The following L3MBTL4 variants were observed in gnomAD, a reference collection of about 807,000 sequenced individuals.
The protein encoded by L3MBTL4 is lethal(3)malignant brain tumor-like protein 4.
Under a neutral mutation model 84.5 loss-of-function variants are expected in L3MBTL4, and 70 were observed. The ratio of observed to expected loss-of-function variants is 0.83; its 90% CI spans 0.68 to 1.01. The LOEUF (loss-of-function observed/expected upper bound fraction) is 1.01. L3MBTL4 is among the 50% of genes least tolerant of loss of function. The probability of loss-of-function intolerance (pLI) is 0.00; values close to 1 mark genes in which losing one functional copy is unlikely to be tolerated. For missense variants in L3MBTL4, 715 were observed against 754.8 expected (o/e 0.95, Z 0.62); for synonymous variants, 274 against 259.8 (o/e 1.05, Z -0.52).
chr18:6,355,155 A>G (rs1327790869), intron 1 of L3MBTL4, among the ~76,000 whole-genome samples: 1 of 152,196 alleles, frequency 6.6e-6, no homozygotes, highest in Non-Finnish European at 1.5e-5. Flanking sequence ...ACTGGAAGTC[A>G]CTATGCTTTT....
rs147538672 is a variant in L3MBTL4, at chr18:6,309,088, T to C, written c.72+2466A>G. 2.7e-3 allele frequency among the ~76,000 whole-genome samples: 417 copies of C among 152,330 alleles called. 2 individuals carry two copies. The highest frequency in any genetic ancestry group is 9.6e-3 in the African/African-American group (400 of 41,580). On this transcript the variant is annotated intron_variant, in intron 3 of 18. Transcript: ENST00000317931. ...ATGTTCCGAAACACCCAACTGTGCA[T>C]TTGCTTGATGTTTCATGTGCATGAT...
intron 1 of L3MBTL4, among the ~76,000 whole-genome samples, chr18:6,380,427 C>A (rs2054550293): frequency 1.3e-5 from 2 of 152,122 alleles, no homozygotes; most frequent in Admixed American, 1.3e-4. Flanking sequence ...AATTTTAGAT[C>A]TTTTCTGCTT....
Position 6,414,603 on chromosome 18 carries a change from C to A in L3MBTL4, c.-91+198G>T, listed in dbSNP as rs1196527678. ...GGGAGCCCGGCGCGCGCCCCGGCGG[C>A]GAAAGAGAAAGAGAAAGAGCCTGGG... On this transcript the variant is annotated intron_variant, in intron 1 of 18. Coordinates refer to ENST00000317931, the MANE Select transcript of L3MBTL4 (RefSeq NM_001330559.2). This position sits in a 1 kb window ranked among gnomAD's most constrained non-coding sequence, Gnocchi z 5.4. 3.3e-5 allele frequency: 5 copies of A among 151,970 alleles called. No individual in the cohort carries two copies. The highest frequency in any genetic ancestry group is 7.4e-5 in the Non-Finnish European group (5 of 68,000). The allele number at this position is 151,970 out of a possible 1,614,324, so 9.4% of individuals were successfully genotyped here.
At chr18:6,181,765 GT>G in intron 12 of L3MBTL4, among the ~76,000 whole-genome samples, 1 of 152,164 alleles carries the variant, frequency 6.6e-6, no homozygotes, top group South Asian at 2.1e-4. Flanking sequence ...CGTGGTATTT[GT>G]TTTTCGGTTT....
chr18:6,251,508 T>C (rs1007384138), intron 5 of L3MBTL4, among the ~76,000 whole-genome samples: 1 of 152,224 alleles, frequency 6.6e-6, no homozygotes, highest in Non-Finnish European at 1.5e-5. Context: ...CATTAAATCA[T>C]CATAAAAACC....
intron 13 of L3MBTL4, among the ~76,000 whole-genome samples, chr18:6,162,197 A>G (rs904414628): frequency 6.6e-6 from 1 of 152,098 alleles, no homozygotes; most frequent in Admixed American, 6.5e-5. Context: ...AAAATCCACT[A>G]AAGTAAATCA....
intron 1 of L3MBTL4, among the ~76,000 whole-genome samples, chr18:6,378,730 T>C (rs1340575912): frequency 6.6e-6 from 1 of 152,176 alleles, no homozygotes; most frequent in Non-Finnish European, 1.5e-5. Flanking sequence ...AGCCTTGTAG[T>C]ATAGTTTGAA....
At chr18:6,061,252 T>C (rs2057209562) in intron 16 of L3MBTL4, among the ~76,000 whole-genome samples, 1 of 152,112 alleles carries the variant, frequency 6.6e-6, no homozygotes. Flanking sequence ...AAGTGATATA[T>C]GATGTTGATC....
At chr18:6,343,877 A>G (rs1350781500) in intron 1 of L3MBTL4, among the ~76,000 whole-genome samples, 1 of 152,022 alleles carries the variant, frequency 6.6e-6, no homozygotes, top group Non-Finnish European at 1.5e-5. Flanking sequence ...CATACAACAT[A>G]TTAAAACTTA....
chr18:6,101,604 A>G (rs775131312), intron 14 of L3MBTL4, among the ~76,000 whole-genome samples: 2 of 152,160 alleles, frequency 1.3e-5, no homozygotes, highest in Non-Finnish European at 2.9e-5. Context: ...TTCTAAGCCC[A>G]ATCCTTACCC....
At chr18:6,317,229 T>C (rs1001702205) in intron 1 of L3MBTL4, among the ~76,000 whole-genome samples, 3 of 152,062 alleles carry the variant, frequency 2.0e-5, no homozygotes, top group African/African-American at 4.8e-5. Flanking sequence ...AATTAGGCTA[T>C]AATAAACTAT....
intron 16 of L3MBTL4, among the ~76,000 whole-genome samples, chr18:6,039,806 T>C (rs560300046): frequency 1.3e-5 from 2 of 152,332 alleles, no homozygotes; most frequent in East Asian, 1.9e-4. Flanking sequence ...TTTGTACCAA[T>C]ATCTAGAACT....
chr18:6,319,160 T>C (rs1243067454), intron 1 of L3MBTL4, among the ~76,000 whole-genome samples: 1 of 152,082 alleles, frequency 6.6e-6, no homozygotes, highest in African/African-American at 2.4e-5. Flanking sequence ...ACAATGTTAA[T>C]GCCCATAAGA....
intron 5 of L3MBTL4, among the ~76,000 whole-genome samples, chr18:6,245,439 G>A (rs2047620462): frequency 1.3e-5 from 2 of 152,066 alleles, no homozygotes; most frequent in Admixed American, 1.3e-4. Context: ...CTCTCAGTCT[G>A]TGACTTGGCT....
intron 9 of L3MBTL4, 81 bp downstream of exon 9, chr18:6,239,637 A>T (rs902938438): frequency 1.4e-6 from 2 of 1,413,276 alleles, no homozygotes; most frequent in African/African-American, 2.8e-5. Context: ...GAGCAAAAAC[A>T]GCAACAGTGC....
At chr18:5,960,257 A>C in intron 17 of L3MBTL4, 101 bp from the exon 18 acceptor site, 4 of 574,544 alleles carry the variant, frequency 7.0e-6, no homozygotes, top group Non-Finnish European at 9.1e-6. Flanking sequence ...AAAATCTCTC[A>C]AACTCTTGGG....
intron 13 of L3MBTL4, among the ~76,000 whole-genome samples, chr18:6,155,567 A>G (rs2043067362): frequency 6.6e-6 from 1 of 152,222 alleles, no homozygotes; most frequent in South Asian, 2.1e-4. Context: ...CCCTCTAATT[A>G]TGGTAAACTT....
rs192185980 is a variant in L3MBTL4, at chr18:6,338,136, C to T, written c.-90-26080G>A. Reference sequence around the variant, plus strand: ...AACAAAAACTTTAACAATCCACTGACGACAGAACCATACTAAAAGAAGAAG... The same window carrying T: ...AACAAAAACTTTAACAATCCACTGATGACAGAACCATACTAAAAGAAGAAG... On this transcript the variant is annotated intron_variant, in intron 1 of 18. Coordinates refer to ENST00000317931, the MANE Select transcript of L3MBTL4 (RefSeq NM_001330559.2). Among the ~76,000 whole-genome samples, 125 of 150,858 alleles carry T rather than the reference C, an allele frequency of 8.3e-4. 1 individual carries two copies. The highest frequency in any genetic ancestry group is 4.7e-3 in the East Asian group (24 of 5,138).
At chr18:6,212,161 C>T (rs1404273175) in intron 12 of L3MBTL4, among the ~76,000 whole-genome samples, 1 of 152,034 alleles carries the variant, frequency 6.6e-6, no homozygotes, top group Admixed American at 6.6e-5. Context: ...TATTATTTAA[C>T]ATAGTTTTTG....
Sources: allele counts gnomAD v4.1 joint callset (sites outside exome capture counted in the v4.1 genomes callset), GRCh38; gene constraint gnomAD v4.1.1; non-coding constraint Gnocchi (gnomAD v3.1); transcripts MANE v1.5; gene names NCBI Gene and HGNC (gene_info 2026-07-23, HGNC 2026-07-21).